Variants in BDP1 observed in about 807,000 individuals in gnomAD.
BDP1 encodes the protein transcription factor TFIIIB component B'' homolog.
Under a neutral mutation model 266.6 loss-of-function variants are expected in BDP1, and 169 were observed. The ratio of observed to expected loss-of-function variants is 0.63; its 90% CI spans 0.56 to 0.72. The LOEUF is 0.72. BDP1 is among the 30% of genes least tolerant of loss of function. The pLI is 0.00. For synonymous variants in BDP1, 1,090 were observed against 1,022.4 expected (o/e 1.07, Z -1.26); for missense variants, 3,015 against 3,053.8 (o/e 0.99, Z 0.30).
chr5:71,486,522 T>A lies in BDP1; in HGVS notation c.1108T>A (p.Leu370Met). The part of the protein sequence containing the change: ...RPFDFDFFAH[L>M]LQKVLAEEEK... ...TTTTGACTTCGATTTTTTTGCTCAT[T>A]TGCTTCAGAAAGTTCTTGCTGAAGA... The change falls in exon 9 of 39, where the codon TTG becomes ATG. Residue 370 changes from leucine to methionine, a missense_variant. Transcript: ENST00000358731. 6.5e-7 allele frequency: 1 copy of A among 1,544,004 alleles called. No homozygotes were observed.
In BDP1 at chr5:71,553,210, C is replaced by A. The variant is rs1365971594; in HGVS notation, c.7090C>A (p.Leu2364Ile). 2 of 1,613,288 alleles carry A rather than the reference C, an allele frequency of 1.2e-6. No homozygotes were observed. The highest frequency in any genetic ancestry group is 1.1e-5 in the South Asian group (1 of 91,042). Residue 2364 changes from leucine to isoleucine, a missense_variant, in exon 35 of 39, where the codon CTT becomes ATT. Leu to Ile is a conservative substitution (Grantham distance 5). Coordinates refer to ENST00000358731, the MANE Select transcript of BDP1 (RefSeq NM_018429.3). ...TAAAAAGCCGCCTGATAATTTGGAT[C>A]TTGTATCTAGGAAGAGATTTCAATG... ...NSKKPPDNLD[L>I]VSRKRFQCRL... is the part of the protein sequence containing the mutation.
chr5:71,547,526 T>G (rs1424822789), intron 32 of BDP1, among the ~76,000 whole-genome samples: 2 of 152,252 alleles, frequency 1.3e-5, no homozygotes, highest in African/African-American at 4.8e-5. Flanking sequence ...AATGGCATCT[T>G]TTCCATTCTG....
At position 71,545,220 on chromosome 5, in the gene BDP1, G is replaced by T. The variant is rs1378620926; in HGVS notation, c.6744+1G>T. ...TGTGCTTACACTTCCTGTGCCAGAGGTAAAAGAATGTACAGTATAATAAGG... is the reference window on the plus strand; with the variant it reads ...TGTGCTTACACTTCCTGTGCCAGAGTTAAAAGAATGTACAGTATAATAAGG... On this transcript the variant is annotated splice_donor_variant, in intron 32 of 38. Transcript: ENST00000358731. LOFTEE classifies it high-confidence loss of function. The T allele has an allele frequency of 6.2e-7, 1 of 1,612,154 alleles. No homozygotes were observed. The highest frequency in any genetic ancestry group is 1.7e-5 in the Admixed American group (1 of 59,544).
intron 31 of BDP1, 32 bp from the exon 32 acceptor site, chr5:71,545,007 T>A (rs780859462): frequency 6.2e-7 from 1 of 1,606,498 alleles, no homozygotes; most frequent in Admixed American, 1.7e-5. Flanking sequence ...TTGCCTGATT[T>A]CAAATGACAT....
At chr5:71,470,971 T>C (rs1396111915) in intron 7 of BDP1, among the ~76,000 whole-genome samples, 1 of 151,896 alleles carries the variant, frequency 6.6e-6, no homozygotes, top group East Asian at 1.9e-4. Context: ...TCAGTTCTGA[T>C]ATGGGTATAA....
At position 71,474,836 on chromosome 5, in the gene BDP1, G is replaced by T. The variant is rs1762488457; in HGVS notation, c.1014+4347G>T. The stretch of plus-strand genomic sequence containing the variant: ...CACTCCAGCGTAGGCAACAGAGCAA[G>T]ACTCTGTCTGAAAAAAAAAAAAATA... On this transcript the variant is annotated intron_variant, in intron 7 of 38. Coordinates refer to ENST00000358731, the MANE Select transcript of BDP1 (RefSeq NM_018429.3). Among the ~76,000 whole-genome samples, 3 of 132,602 alleles carry T rather than the reference G, an allele frequency of 2.3e-5. No homozygotes were observed. In the Admixed American group the frequency reaches 2.3e-4, roughly 10 times the overall value. The allele number at this position is 132,602 out of a possible 152,430, so 87.0% of individuals were successfully genotyped here. A position where few individuals can be genotyped will look rare whatever the true frequency, so the allele number is the denominator to read the frequency against.
In BDP1 at chr5:71,495,249, G is replaced by A; in HGVS notation, c.1641-1G>A. ...TCTCTGAAATATTTTCTTTTTTTTA[G>A]TAATCAACAAGATGCCACATCAGTA... On this transcript the variant is annotated splice_acceptor_variant, in intron 11 of 38. Transcript: ENST00000358731. LOFTEE classifies it high-confidence loss of function. 6.6e-7 allele frequency: 1 copy of A among 1,519,402 alleles called. No individual in the cohort carries two copies. Among genetic ancestry groups the A allele is most frequent in the Non-Finnish European group, 8.8e-7 (1 of 1,132,790 alleles). The allele number at this position is 1,519,402 out of a possible 1,614,324, so 94.1% of individuals were successfully genotyped here.
downstream of BDP1, among the ~76,000 whole-genome samples, chr5:71,570,123 G>T (rs1325809858): frequency 1.3e-5 from 2 of 152,208 alleles, no homozygotes; most frequent in African/African-American, 2.4e-5. Context: ...GCTCCTGTGA[G>T]AAGTCAGACC....
chr5:71,489,521 C>T lies in BDP1; in HGVS notation c.1331C>T (p.Thr444Ile), dbSNP rs1397199990. 1.9e-6 allele frequency: 3 copies of T among 1,613,876 alleles called. No homozygotes were observed. The highest frequency in any genetic ancestry group is 4.5e-5 in the East Asian group (2 of 44,866). The change falls in exon 10 of 39, where the codon ACC (threonine) becomes ATC (isoleucine). Residue 444 changes from threonine (T) to isoleucine (I), a missense_variant. By Grantham distance (89) the Thr-to-Ile change is moderately conservative. Transcript: ENST00000358731. ...CAGACAGTTGAAGAAGAGTCTCTGACCTTATCAAGGGAGGATGCAGAGCAG... is the reference window on the plus strand; with the variant it reads ...CAGACAGTTGAAGAAGAGTCTCTGATCTTATCAAGGGAGGATGCAGAGCAG... ...DAQTVEEESL[T>I]LSREDAEQVA... is the part of the protein sequence containing the mutation.
At chr5:71,524,388 G>A (rs1041439419) in intron 25 of BDP1, 65 bp downstream of exon 25, 3 of 1,426,740 alleles carry the variant, frequency 2.1e-6, no homozygotes, top group African/African-American at 2.9e-5. Context: ...GTTTCTTTTA[G>A]GGGATCATTA....
intron 13 of BDP1, among the ~76,000 whole-genome samples, chr5:71,498,762 C>T (rs1345231242): frequency 7.4e-5 from 9 of 121,800 alleles, no homozygotes; most frequent in African/African-American, 2.2e-4. Context: ...CTCGCCCAGT[C>T]GCCCAGGCTG....
At chr5:71,505,854 G>A (rs1486259715) in intron 16 of BDP1, among the ~76,000 whole-genome samples, 3 of 152,180 alleles carry the variant, frequency 2.0e-5, no homozygotes, top group Non-Finnish European at 4.4e-5. Context: ...AAGTGAGACA[G>A]ACTCCTGTCC....
intron 9 of BDP1, among the ~76,000 whole-genome samples, chr5:71,488,199 C>T (rs1284958270): frequency 6.6e-6 from 1 of 152,016 alleles, no homozygotes; most frequent in Non-Finnish European, 1.5e-5. Context: ...GATCTCGGCT[C>T]ACTGAATCCT....
At chr5:71,544,946 A>T (rs1742169585) in intron 31 of BDP1, 93 bp from the exon 32 acceptor site, 1 of 1,155,798 alleles carries the variant, frequency 8.7e-7, no homozygotes, top group Non-Finnish European at 1.3e-6. Flanking sequence ...TTTGAAAACC[A>T]TTGAATTAGA....
At chr5:71,552,983 T>G in intron 34 of BDP1, 133 bp from the exon 35 acceptor site, 1 of 768,258 alleles carries the variant, frequency 1.3e-6, no homozygotes, top group Non-Finnish European at 2.0e-6. Context: ...AGTTTTTTGG[T>G]TTTATTGGAA....
At chr5:71,551,909 C>T (rs1742800546) in intron 34 of BDP1, among the ~76,000 whole-genome samples, 2 of 146,688 alleles carry the variant, frequency 1.4e-5, no homozygotes, top group African/African-American at 5.1e-5. Flanking sequence ...GGGGCTGACC[C>T]CCCCACCTCC....
At chr5:71,540,105 T>C (rs895508076) in intron 28 of BDP1, among the ~76,000 whole-genome samples, 5 of 152,198 alleles carry the variant, frequency 3.3e-5, no homozygotes, top group African/African-American at 1.2e-4. Context: ...TAGTTTAAAC[T>C]GTTCTCAGTT....
chr5:71,514,595 G>T (rs1312382072), intron 19 of BDP1, among the ~76,000 whole-genome samples: 1 of 152,124 alleles, frequency 6.6e-6, no homozygotes, highest in Non-Finnish European at 1.5e-5. Context: ...TCAGTACAAA[G>T]AGATATATCT....
intron 34 of BDP1, among the ~76,000 whole-genome samples, chr5:71,551,681 G>A (rs1190696825): frequency 6.6e-6 from 1 of 151,886 alleles, no homozygotes; most frequent in Non-Finnish European, 1.5e-5. Flanking sequence ...TCCCAGCAGG[G>A]GCGGCCGGGC....
Sources: gnomAD v4.1 joint callset for allele counts (sites outside exome capture counted in the v4.1 genomes callset) on GRCh38, gnomAD v4.1.1 for gene constraint, MANE v1.5 for transcripts, NCBI Gene and HGNC (gene_info 2026-07-23, HGNC 2026-07-21) for gene names.